Variants in PRMT3 observed in about 807,000 individuals in gnomAD.
The protein encoded by PRMT3 is protein arginine N-methyltransferase 3.
Under a neutral mutation model 71.9 loss-of-function variants are expected in PRMT3, and 62 were observed. The observed-to-expected ratio is 0.86, with a 90% CI of 0.70 to 1.07. The LOEUF is 1.07. PRMT3 is among the 50% of genes least tolerant of loss of function. The pLI, the probability that PRMT3 is intolerant of heterozygous loss-of-function variation, is 0.00. For synonymous variants in PRMT3, 213 were observed against 220.4 expected, an observed-to-expected ratio of 0.97 and a Z score of 0.30; for missense variants, 663 against 643.0, an observed-to-expected ratio of 1.03 and a Z score of -0.34.
At chr11:20,492,626 T>C (rs1034176781) in intron 13 of PRMT3, among the ~76,000 whole-genome samples, 2 of 152,206 alleles carry the variant, frequency 1.3e-5, no homozygotes, top group Non-Finnish European at 2.9e-5. Context: ...TTTTACACTT[T>C]CTAAGCTTAA....
intron 9 of PRMT3, among the ~76,000 whole-genome samples, chr11:20,417,018 C>T (rs146797687): frequency 1.3e-5 from 2 of 152,298 alleles, no homozygotes; most frequent in African/African-American, 4.8e-5. Flanking sequence ...CCCTTTATCA[C>T]TCCCACTTTG....
At chr11:20,478,106 T>G (rs1850840748) in intron 13 of PRMT3, among the ~76,000 whole-genome samples, 1 of 152,220 alleles carries the variant, frequency 6.6e-6, no homozygotes, top group Non-Finnish European at 1.5e-5. Flanking sequence ...TATTCCCCTC[T>G]GGAGACAGTT....
At chr11:20,395,721 A>G (rs531927593) in intron 5 of PRMT3, 82 bp from the exon 6 acceptor site, 2 of 1,325,590 alleles carry the variant, frequency 1.5e-6, no homozygotes, top group East Asian at 4.7e-5. Context: ...GTAGAAACTT[A>G]GGGCGTATTT....
intron 10 of PRMT3, among the ~76,000 whole-genome samples, chr11:20,449,829 A>G (rs551156324): frequency 5.3e-4 from 81 of 152,274 alleles, no homozygotes; most frequent in African/African-American, 1.9e-3. Context: ...TTACATATTG[A>G]GTTCCTACTA....
At chr11:20,425,814 G>C (rs1183510563) in intron 9 of PRMT3, among the ~76,000 whole-genome samples, 1 of 152,174 alleles carries the variant, frequency 6.6e-6, no homozygotes, top group African/African-American at 2.4e-5. Context: ...ATTGATTGTG[G>C]TGGTCAACAA....
intron 9 of PRMT3, among the ~76,000 whole-genome samples, chr11:20,416,780 G>T (rs543773440): frequency 6.6e-6 from 1 of 152,260 alleles, no homozygotes; most frequent in South Asian, 2.1e-4. Context: ...TCATAGAATA[G>T]CCCGTTATGG....
chr11:20,413,681 C>T (rs181092484), intron 9 of PRMT3, among the ~76,000 whole-genome samples: 3 of 152,212 alleles, frequency 2.0e-5, no homozygotes, highest in Admixed American at 6.5e-5. Flanking sequence ...TCTTGTCAAA[C>T]TGTGACTACT....
At chr11:20,405,339 T>A (rs537284072) in intron 8 of PRMT3, 2 of 151,662 alleles carry the variant, frequency 1.3e-5, no homozygotes, top group East Asian at 1.9e-4. Flanking sequence ...AGAAAAAAAA[T>A]GAATCAAATT....
At position 20,404,211 on chromosome 11, in the gene PRMT3, GTTT is replaced by G. The variant is rs71063629; in HGVS notation, c.771+1266_771+1268del. On this transcript the variant is annotated intron_variant, in intron 8 of 15. Coordinates refer to ENST00000331079, the MANE Select transcript of PRMT3 (RefSeq NM_005788.4). ...GTTACTATAGTGGAGACTTTTCATA[GTTT>G]TTTTTTTTTTTTTTTTTTTTTTTTT... Among the ~76,000 whole-genome samples, 7 of 34,332 alleles carry G rather than the reference GTTT, an allele frequency of 2.0e-4. 1 individual carries two copies. The highest frequency in any genetic ancestry group is 1.3e-3 in the East Asian group (1 of 800). The allele number at this position is 34,332 out of a possible 152,430, so 22.5% of individuals were successfully genotyped here. A position where few individuals can be genotyped will look rare whatever the true frequency, so the allele number is the denominator to read the frequency against.
At chr11:20,450,923 A>G (rs181037801) in intron 10 of PRMT3, among the ~76,000 whole-genome samples, 12 of 152,296 alleles carry the variant, frequency 7.9e-5, no homozygotes, top group Middle Eastern at 3.4e-3. Flanking sequence ...TTGATATAGA[A>G]TGCTAAAGTA....
chr11:20,494,150 G>T lies in PRMT3; in HGVS notation c.1399-17G>T. ...ATCTTGTACTTCATCAAATACCTTT[G>T]AACTTTACCAATTCAGGTCGTGTTC... On this transcript the variant is annotated splice_polypyrimidine_tract_variant and intron_variant, in intron 14 of 15. Coordinates refer to ENST00000331079, the MANE Select transcript of PRMT3 (RefSeq NM_005788.4). 1 of 1,577,192 alleles carries T rather than the reference G, an allele frequency of 6.3e-7. No homozygotes were observed. Among genetic ancestry groups the T allele is most frequent in the Non-Finnish European group, 8.7e-7 (1 of 1,147,040 alleles).
At chr11:20,421,153 C>T (rs1475444040) in intron 9 of PRMT3, among the ~76,000 whole-genome samples, 2 of 152,110 alleles carry the variant, frequency 1.3e-5, no homozygotes, top group Non-Finnish European at 2.9e-5. Context: ...ATCCTCCTAC[C>T]TTGCTTCTCG....
At chr11:20,442,330 C>T (rs1374240008) in intron 10 of PRMT3, among the ~76,000 whole-genome samples, 1 of 150,300 alleles carries the variant, frequency 6.7e-6, no homozygotes, top group Admixed American at 6.6e-5. Context: ...GCTTCTTTTT[C>T]CCTTGTTTAG....
intron 13 of PRMT3, among the ~76,000 whole-genome samples, chr11:20,481,539 C>T (rs568681866): frequency 7.9e-5 from 12 of 152,034 alleles, no homozygotes; most frequent in Non-Finnish European, 1.3e-4. Flanking sequence ...GCTTAAAGAA[C>T]GGGTTGTATT....
intron 13 of PRMT3, among the ~76,000 whole-genome samples, chr11:20,483,748 A>G (rs1013960572): frequency 6.6e-6 from 1 of 152,168 alleles, no homozygotes; most frequent in Non-Finnish European, 1.5e-5. Context: ...CTATAATAGA[A>G]TAGCAGAGGC....
At chr11:20,495,178 G>T (rs955665419) in intron 15 of PRMT3, among the ~76,000 whole-genome samples, 5 of 152,060 alleles carry the variant, frequency 3.3e-5, no homozygotes, top group African/African-American at 1.2e-4. Flanking sequence ...ACCACGCCCA[G>T]CTAATTTTTG....
At chr11:20,505,920 A>C (rs148747183) in intron 15 of PRMT3, among the ~76,000 whole-genome samples, 2,306 of 151,670 alleles carry the variant, frequency 0.015, 40 homozygotes, top group Non-Finnish European at 0.021. Context: ...TTTCTTATTC[A>C]TTATAGTATA....
At chr11:20,389,018 TA>T (rs1848656230) in intron 2 of PRMT3, among the ~76,000 whole-genome samples, 1 of 152,200 alleles carries the variant, frequency 6.6e-6, no homozygotes. Context: ...CTAGTTGTCA[TA>T]AAATATTTAT....
chr11:20,420,395 G>A (rs941771644), intron 9 of PRMT3, among the ~76,000 whole-genome samples: 1 of 152,080 alleles, frequency 6.6e-6, no homozygotes, highest in African/African-American at 2.4e-5. Flanking sequence ...AAGAACAGGG[G>A]TCCCCAATCC....
Sources: gnomAD v4.1 joint callset for allele counts (sites outside exome capture counted in the v4.1 genomes callset) on GRCh38, gnomAD v4.1.1 for gene constraint, MANE v1.5 for transcripts, NCBI Gene and HGNC (gene_info 2026-07-23, HGNC 2026-07-21) for gene names.